PCDHA7: variants seen among roughly 807,000 people sequenced by gnomAD.
The protein encoded by PCDHA7 is protocadherin alpha-7.
PCDHA7 carries 37 observed loss-of-function variants against 57.2 expected under a neutral mutation model. That is an observed-to-expected ratio of 0.65 (90% CI 0.50 to 0.85). PCDHA7 has a LOEUF of 0.85. PCDHA7 is among the 40% of genes least tolerant of loss of function. PCDHA7 has a pLI of 0.00. For synonymous variants in PCDHA7, 553 were observed against 558.8 expected (o/e 0.99, Z 0.15); for missense variants, 1,188 against 1,241.8 (o/e 0.96, Z 0.65).
At chr5:140,870,273 C>G (rs1307506968) in intron 1 of PCDHA7, 3 of 1,614,192 alleles carry the variant, frequency 1.9e-6, no homozygotes, top group South Asian at 2.2e-5. Flanking sequence ...CGCTGACGCC[C>G]CACGTTCCCT....
At chr5:140,946,059 G>T (rs979423479) in intron 1 of PCDHA7, among the ~76,000 whole-genome samples, 4 of 152,038 alleles carry the variant, frequency 2.6e-5, no homozygotes, top group Non-Finnish European at 4.4e-5. Flanking sequence ...CAGAATGGGA[G>T]AAAATATTTG....
At chr5:140,905,669 A>G (rs781948009) in intron 1 of PCDHA7, among the ~76,000 whole-genome samples, 11 of 152,228 alleles carry the variant, frequency 7.2e-5, no homozygotes, top group Admixed American at 2.0e-4. Flanking sequence ...ATCCATTAAC[A>G]TGGAACATAT....
chr5:140,875,724 G>T, intron 1 of PCDHA7: 1 of 1,614,244 alleles, frequency 6.2e-7, no homozygotes, highest in Non-Finnish European at 8.5e-7. Flanking sequence ...ATGGCATTTT[G>T]TTTGTGAATT....
At chr5:140,846,890 G>A (rs1554141524) in intron 1 of PCDHA7, among the ~76,000 whole-genome samples, 3 of 149,570 alleles carry the variant, frequency 2.0e-5, no homozygotes, top group South Asian at 2.1e-4. Context: ...TCAGAATGAC[G>A]TTGAAGTTGA....
intron 1 of PCDHA7, chr5:140,842,933 C>T (rs1356851691): frequency 6.3e-7 from 1 of 1,594,540 alleles, no homozygotes. Flanking sequence ...GGTGAGCGCG[C>T]GCGACGCGGG....
Position 140,968,215 on chromosome 5 carries a change from G to T in PCDHA7, c.2356-10734G>T, listed in dbSNP as rs782676713. The stretch of plus-strand genomic sequence containing the variant: ...CCATCTACATACAGGAGAACAATTT[G>T]CCAGGTGTGTTGCTCTGTACTGTGC... On this transcript the variant is annotated intron_variant, in intron 1 of 3. Transcript: ENST00000525929. 3.1e-6 allele frequency: 5 copies of T among 1,613,862 alleles called. No homozygotes were observed. In the East Asian group the frequency reaches 1.1e-4, roughly 36 times the overall value.
chr5:140,979,870 A>G (rs376036380), intron 2 of PCDHA7, among the ~76,000 whole-genome samples: 2 of 152,388 alleles, frequency 1.3e-5, no homozygotes, highest in South Asian at 2.1e-4. Context: ...TATCTGGGCA[A>G]CTATCAAGTG....
Position 141,010,268 on chromosome 5 carries a change from A to T in PCDHA7, c.*331A>T. 1 of 1,551,622 alleles carries T rather than the reference A, an allele frequency of 6.4e-7. No homozygotes were observed. Among genetic ancestry groups the T allele is most frequent in the Non-Finnish European group, 8.7e-7 (1 of 1,146,964 alleles). On this transcript the variant is annotated 3_prime_UTR_variant, in exon 4 of 4. Coordinates refer to ENST00000525929, the MANE Select transcript of PCDHA7 (RefSeq NM_018910.3). ...GGACTCTCTGCCCTGTGCTCCGGGG[A>T]TCCTGTCTTGATGACACTTGCAGGG...
chr5:140,943,729 A>G (rs1215938127), intron 1 of PCDHA7, among the ~76,000 whole-genome samples: 1 of 152,374 alleles, frequency 6.6e-6, no homozygotes, highest in South Asian at 2.1e-4. Context: ...TGAGAGAATG[A>G]AAGTCCACAG....
chr5:140,935,828 A>G (rs1365293166), intron 1 of PCDHA7, among the ~76,000 whole-genome samples: 1 of 152,004 alleles, frequency 6.6e-6, no homozygotes, highest in Non-Finnish European at 1.5e-5. Context: ...GTATTTACAC[A>G]TATTCCATAC....
chr5:140,939,903 CT>C (rs1485545948), intron 1 of PCDHA7, among the ~76,000 whole-genome samples: 1 of 152,046 alleles, frequency 6.6e-6, no homozygotes, highest in Non-Finnish European at 1.5e-5. Context: ...ATTCTGCATT[CT>C]TTTTTATTCT....
Position 140,836,329 on chromosome 5 carries a change from T to C in PCDHA7, c.1946T>C (p.Val649Ala). The C allele has an allele frequency of 6.2e-7, 1 of 1,613,654 alleles. No homozygotes were observed. Among genetic ancestry groups the C allele is most frequent in the Non-Finnish European group, 8.5e-7 (1 of 1,179,796 alleles). ...GACGCACCGCGCCACCGCCTTCTGG[T>C]GCTTGTGAAGGACCACGGGGAGCCC... ...ETDAPRHRLL[V>A]LVKDHGEPSL... Residue 649 changes from valine to alanine, a missense_variant, in exon 1 of 4, where the codon GTG becomes GCG. Coordinates refer to ENST00000525929, the MANE Select transcript of PCDHA7 (RefSeq NM_018910.3).
At chr5:140,838,520 T>C (rs1554137093) in intron 1 of PCDHA7, among the ~76,000 whole-genome samples, 1 of 152,024 alleles carries the variant, frequency 6.6e-6, no homozygotes, top group Non-Finnish European at 1.5e-5. Flanking sequence ...ATTTGCATCT[T>C]ATTTTCTTTT....
At chr5:140,968,349 G>A (rs1554230631) in intron 1 of PCDHA7, 2 of 1,614,128 alleles carry the variant, frequency 1.2e-6, no homozygotes, top group Admixed American at 3.3e-5. Context: ...AACAGTGCCA[G>A]TGGCAGCCTT....
At chr5:140,946,826 G>A (rs1161316537) in intron 1 of PCDHA7, among the ~76,000 whole-genome samples, 1 of 151,404 alleles carries the variant, frequency 6.6e-6, no homozygotes, top group African/African-American at 2.4e-5. Context: ...TACCAGAGAT[G>A]GGTAGGGCAG....
Position 140,893,828 on chromosome 5 carries a change from C to T in PCDHA7, c.2355+57090C>T, listed in dbSNP as rs144587014. Among the ~76,000 whole-genome samples the T allele has an allele frequency of 1.9e-3, 290 of 152,282 alleles. 1 individual carries two copies. Among genetic ancestry groups the T allele is most frequent in the African/African-American group, 6.6e-3 (275 of 41,556 alleles). ...CTTGAGTCTGGTACCGTAGACTACT[C>T]AGCCATCCTGATGCCCTACCTCTTG... On this transcript the variant is annotated intron_variant, in intron 1 of 3. Coordinates refer to ENST00000525929, the MANE Select transcript of PCDHA7 (RefSeq NM_018910.3).
chr5:140,900,566 G>A (rs1554189260), intron 1 of PCDHA7, among the ~76,000 whole-genome samples: 1 of 152,054 alleles, frequency 6.6e-6, no homozygotes, highest in Non-Finnish European at 1.5e-5. Flanking sequence ...CGTGAGCCAC[G>A]GCACCGGCCC....
chr5:140,852,816 A>C, intron 1 of PCDHA7: 2 of 972,756 alleles, frequency 2.1e-6, no homozygotes, highest in Non-Finnish European at 1.2e-6. Flanking sequence ...CTCCCGCCCT[A>C]AGTCCTCCAG....
Position 140,858,578 on chromosome 5 carries a change from A to T in PCDHA7, c.2355+21840A>T. On this transcript the variant is annotated intron_variant, in intron 1 of 3. Coordinates refer to ENST00000525929, the MANE Select transcript of PCDHA7 (RefSeq NM_018910.3). ...GAATATTTCTAGTGATACCTTTGTA[A>T]TATAATTTATTCCAGGAGTTTTAAA... 3 of 1,350,438 alleles carry T rather than the reference A, an allele frequency of 2.2e-6. No homozygotes were observed. The South Asian group carries it at 4.1e-5, about 18-fold the overall frequency. 83.7% of individuals were successfully genotyped at this position (1,350,438 alleles called of 1,614,324 possible). A position where few individuals can be genotyped will look rare whatever the true frequency, so the allele number is the denominator to read the frequency against.
Sources: allele counts gnomAD v4.1 joint callset (sites outside exome capture counted in the v4.1 genomes callset), GRCh38; gene constraint gnomAD v4.1.1; transcripts MANE v1.5; gene names NCBI Gene and HGNC (gene_info 2026-07-23, HGNC 2026-07-21).